Variants in SV2C observed in about 807,000 individuals in gnomAD.
SV2C encodes the protein synaptic vesicle glycoprotein 2C, also known as solute carrier family 22 member B3.
SV2C carries 49 observed loss-of-function variants against 79.7 expected under a neutral mutation model. That is an observed-to-expected ratio of 0.61 (90% confidence interval 0.49 to 0.78). SV2C has a LOEUF of 0.78. Among genes scored for constraint, SV2C ranks in the 30% least tolerant of loss-of-function variants. SV2C has a pLI of 0.00. For synonymous variants in SV2C, 334 were observed against 333.2 expected, an observed-to-expected ratio of 1.00 and a Z score of -0.03; for missense variants, 833 against 912.9, an observed-to-expected ratio of 0.91 and a Z score of 1.13.
chr5:75,930,798 G>C, the SV2C span, among the ~76,000 whole-genome samples: 2 of 152,112 alleles, frequency 1.3e-5, no homozygotes, highest in South Asian at 4.1e-4. Flanking sequence ...ATCTTTTATG[G>C]GCCATTTATG....
intron 6 of SV2C, chr5:76,286,889 T>C (rs530745282): frequency 6.6e-6 from 1 of 152,196 alleles, no homozygotes; most frequent in Non-Finnish European, 1.5e-5. Flanking sequence ...AGCATAGGGG[T>C]AACTGTCCCC....
Position 76,326,969 on chromosome 5 carries a change from C to T in SV2C, c.*1422C>T, listed in dbSNP as rs563541659. 6.6e-6 allele frequency: 1 copy of T among 152,308 alleles called. No homozygotes were observed. The highest frequency in any genetic ancestry group is 2.1e-4 in the South Asian group (1 of 4,818). The allele number at this position is 152,308 out of a possible 1,614,324, so 9.4% of individuals were successfully genotyped here. A position where few individuals can be genotyped will look rare whatever the true frequency, so the allele number is the denominator to read the frequency against. On this transcript the variant is annotated 3_prime_UTR_variant, in exon 13 of 13. Transcript: ENST00000502798. ...CAATGACCAGAAGCCAGGAATAAAT[C>T]CCATATTTAAACAATATTCCTTTTT...
intron 2 of SV2C, among the ~76,000 whole-genome samples, chr5:76,148,084 T>C (rs192398113): frequency 1.8e-4 from 28 of 152,336 alleles, no homozygotes; most frequent in Middle Eastern, 6.8e-3. Flanking sequence ...CAAATAGTTA[T>C]GGAGTCATTG....
At chr5:76,079,859 T>C (rs1406470788), upstream of SV2C, 1 of 156,456 alleles carries the variant, frequency 6.4e-6, no homozygotes, top group African/African-American at 2.4e-5. Flanking sequence ...GGCAATTGAT[T>C]GTGAATTCCT....
the SV2C span, among the ~76,000 whole-genome samples, chr5:75,896,247 T>G: frequency 7.5e-6 from 1 of 132,534 alleles, no homozygotes. Flanking sequence ...CAGAGTGTGA[T>G]GTTCCCCTTC....
At chr5:76,209,460 C>G (rs1451258980) in intron 3 of SV2C, among the ~76,000 whole-genome samples, 1 of 152,178 alleles carries the variant, frequency 6.6e-6, no homozygotes, top group African/African-American at 2.4e-5. Context: ...AACGGAATCT[C>G]ATGTTAAGCT....
At chr5:76,234,874 C>T (rs1745565588) in intron 4 of SV2C, among the ~76,000 whole-genome samples, 1 of 152,194 alleles carries the variant, frequency 6.6e-6, no homozygotes, top group African/African-American at 2.4e-5. Context: ...GCTCATCCTA[C>T]AGTGACTGTA....
Position 76,242,248 on chromosome 5 carries a change from C to T in SV2C, c.913+32361C>T. ...ATCTTCTCTGTGGTTCGTCCTTCAC[C>T]TTGGCTTTATCTCCCTTAGCATCCC... On this transcript the variant is annotated intron_variant, in intron 4 of 12. Coordinates refer to ENST00000502798, the MANE Select transcript of SV2C (RefSeq NM_014979.4). 9 of 1,083,152 alleles carry T rather than the reference C, an allele frequency of 8.3e-6. 2 individuals are homozygous for T. The South Asian group carries it at 8.7e-5, about 10-fold the overall frequency. 67.1% of individuals were successfully genotyped at this position (1,083,152 alleles called of 1,614,324 possible). A position where few individuals can be genotyped will look rare whatever the true frequency, so the allele number is the denominator to read the frequency against.
intron 12 of SV2C, among the ~76,000 whole-genome samples, chr5:76,344,858 G>C (rs1372928953): frequency 6.6e-6 from 1 of 151,968 alleles, no homozygotes; most frequent in African/African-American, 2.4e-5. Flanking sequence ...AGCCATGTGG[G>C]TATATTATTA....
At chr5:75,916,456 C>T in the SV2C span, among the ~76,000 whole-genome samples, 5 of 150,506 alleles carry the variant, frequency 3.3e-5, no homozygotes, top group Admixed American at 6.6e-5. Flanking sequence ...CCTCCTCCTC[C>T]TTCTCTTCTT....
At chr5:76,276,458 C>A (rs1747024344) in intron 4 of SV2C, among the ~76,000 whole-genome samples, 1 of 152,128 alleles carries the variant, frequency 6.6e-6, no homozygotes, top group African/African-American at 2.4e-5. Flanking sequence ...ACCTCAGCCT[C>A]CCAAGCAGCT....
At chr5:76,041,257 C>G in the SV2C span, among the ~76,000 whole-genome samples, 1 of 152,204 alleles carries the variant, frequency 6.6e-6, no homozygotes, top group Non-Finnish European at 1.5e-5. Context: ...GACTAGAAGG[C>G]CAGGTTCAAA....
At chr5:76,000,121 A>G in the SV2C span, among the ~76,000 whole-genome samples, 1 of 152,264 alleles carries the variant, frequency 6.6e-6, no homozygotes, top group East Asian at 1.9e-4. Context: ...GAGTCCACCA[A>G]TTCAAATGCT....
the SV2C span, among the ~76,000 whole-genome samples, chr5:75,909,501 G>C: frequency 1.3e-5 from 2 of 152,194 alleles, no homozygotes; most frequent in African/African-American, 4.8e-5. Flanking sequence ...GTTGTCTGTG[G>C]GAGAAAGAGA....
the SV2C span, among the ~76,000 whole-genome samples, chr5:75,951,867 C>T: frequency 6.6e-6 from 1 of 151,952 alleles, no homozygotes; most frequent in Non-Finnish European, 1.5e-5. Context: ...CAAAGAAAAC[C>T]TTATTCAGCA....
the SV2C span, among the ~76,000 whole-genome samples, chr5:75,896,220 T>A: frequency 2.8e-5 from 2 of 70,426 alleles, no homozygotes; most frequent in African/African-American, 1.0e-4. Flanking sequence ...CCCCGCCCCC[T>A]ACCCCACAAC....
At chr5:75,977,225 T>C in the SV2C span, among the ~76,000 whole-genome samples, 1 of 152,148 alleles carries the variant, frequency 6.6e-6, no homozygotes, top group African/African-American at 2.4e-5. Flanking sequence ...GTTAGATACC[T>C]GTAGTCAGGC....
the SV2C span, among the ~76,000 whole-genome samples, chr5:76,050,194 G>C: frequency 6.6e-6 from 1 of 152,146 alleles, no homozygotes; most frequent in African/African-American, 2.4e-5. Context: ...GTAGACATTC[G>C]TTACATACTG....
chr5:76,005,785 C>T, the SV2C span, among the ~76,000 whole-genome samples: 17 of 152,122 alleles, frequency 1.1e-4, no homozygotes, highest in Non-Finnish European at 2.2e-4. Flanking sequence ...AATCAGAGTT[C>T]CAGTGACATC....
Sources: gnomAD v4.1 joint callset for allele counts (sites outside exome capture counted in the v4.1 genomes callset) on GRCh38, gnomAD v4.1.1 for gene constraint, MANE v1.5 for transcripts, NCBI Gene and HGNC (gene_info 2026-07-23, HGNC 2026-07-21) for gene names.